The following NLGN1 variants were observed in gnomAD, a reference collection of about 807,000 sequenced individuals.
The protein encoded by NLGN1 is neuroligin-1.
In NLGN1, 12 loss-of-function variants were observed where a neutral mutation model predicts 65.5. That is an observed-to-expected ratio of 0.18 (90% CI 0.12 to 0.30). The LOEUF (loss-of-function observed/expected upper bound fraction) is 0.30. Ranked by LOEUF, NLGN1 falls within the 10% of genes least tolerant of loss-of-function variation. The pLI, the probability that NLGN1 is intolerant of heterozygous loss-of-function variation, is 1.00. For missense variants in NLGN1, 750 were observed against 1,007.1 expected (o/e 0.74, Z 3.46); for synonymous variants, 350 against 359.5 (o/e 0.97, Z 0.30).
At chr3:174,081,697 G>A (rs1454945681) in intron 4 of NLGN1, among the ~76,000 whole-genome samples, 5 of 148,736 alleles carry the variant, frequency 3.4e-5, no homozygotes, top group East Asian at 2.0e-4. Context: ...TCAGCCTCCC[G>A]AGTAGCTGGG....
chr3:173,691,417 A>G (rs1765448440), intron 3 of NLGN1, among the ~76,000 whole-genome samples: 1 of 152,062 alleles, frequency 6.6e-6, no homozygotes, highest in South Asian at 2.1e-4. Flanking sequence ...TCTTTAAAAG[A>G]TTTTCTAAAA....
At position 174,241,949 on chromosome 3, in the gene NLGN1, G is replaced by T. The variant is rs541266423; in HGVS notation, c.647-33366G>T. ...CTAGGATTACAGGCGTGAGCCACCG[G>T]GCCCGGCCCCAACGTATCTTTATCA... On this transcript the variant is annotated intron_variant, in intron 4 of 6. Coordinates refer to ENST00000457714, the Ensembl canonical transcript of NLGN1. 5.3e-5 allele frequency among the ~76,000 whole-genome samples: 8 copies of T among 152,158 alleles called. No homozygotes were observed. In the East Asian group the frequency reaches 1.6e-3, roughly 30 times the overall value.
At chr3:173,605,985 A>G (rs527720995) in intron 3 of NLGN1, among the ~76,000 whole-genome samples, 13 of 152,050 alleles carry the variant, frequency 8.5e-5, no homozygotes, top group South Asian at 2.1e-4. Flanking sequence ...TTAGAATTTG[A>G]TCACTCAATC....
chr3:174,122,896 T>C (rs962853728), intron 4 of NLGN1, among the ~76,000 whole-genome samples: 1 of 151,950 alleles, frequency 6.6e-6, no homozygotes, highest in African/African-American at 2.4e-5. Flanking sequence ...ATGCTATTTG[T>C]TAATAAAAAT....
intron 4 of NLGN1, among the ~76,000 whole-genome samples, chr3:173,944,124 G>T (rs200958043): frequency 5.7e-5 from 8 of 139,592 alleles, no homozygotes; most frequent in East Asian, 2.1e-4. Flanking sequence ...TAATATTATG[G>T]GTGTGTGTGT....
intron 3 of NLGN1, among the ~76,000 whole-genome samples, chr3:173,662,468 T>C (rs1376363968): frequency 6.6e-6 from 1 of 152,060 alleles, no homozygotes; most frequent in East Asian, 1.9e-4. Flanking sequence ...TCATGAAGTA[T>C]ATTAAAAATT....
intron 2 of NLGN1, among the ~76,000 whole-genome samples, chr3:173,468,447 A>T (rs75695521): frequency 0.018 from 2,739 of 152,170 alleles, 91 homozygotes; most frequent in African/African-American, 0.06. Context: ...AAATTCCTTT[A>T]TATCACCACT....
chr3:173,501,661 A>G (rs1356964055), intron 2 of NLGN1, among the ~76,000 whole-genome samples: 9 of 149,734 alleles, frequency 6.0e-5, no homozygotes, highest in Non-Finnish European at 1.2e-4. Context: ...AATTATATAT[A>G]TTAGAATTAT....
chr3:173,692,611 G>T (rs1765633286), intron 3 of NLGN1, among the ~76,000 whole-genome samples: 1 of 152,014 alleles, frequency 6.6e-6, no homozygotes, highest in African/African-American at 2.4e-5. Context: ...CTACTTTAGT[G>T]TTTATATTGA....
At chr3:173,411,877 G>C (rs1026979641) in intron 1 of NLGN1, among the ~76,000 whole-genome samples, 4 of 151,908 alleles carry the variant, frequency 2.6e-5, no homozygotes, top group Non-Finnish European at 5.9e-5. Context: ...ACACACTTTT[G>C]TTTCAAGCAG....
At chr3:173,677,024 C>G (rs1461944746) in intron 3 of NLGN1, among the ~76,000 whole-genome samples, 1 of 151,930 alleles carries the variant, frequency 6.6e-6, no homozygotes, top group East Asian at 1.9e-4. Flanking sequence ...GTATAAATTC[C>G]CAGAGCATAT....
intron 4 of NLGN1, among the ~76,000 whole-genome samples, chr3:174,018,156 G>A (rs973856047): frequency 6.6e-6 from 1 of 152,118 alleles, no homozygotes; most frequent in Admixed American, 6.6e-5. Context: ...AAGAAATATG[G>A]CTCTGTTCCG....
intron 3 of NLGN1, among the ~76,000 whole-genome samples, chr3:173,608,777 ATATGTCATGAGTTCTTTT>A (rs1751803977): frequency 6.6e-6 from 1 of 151,714 alleles, no homozygotes; most frequent in African/African-American, 2.4e-5. Flanking sequence ...ACACATTCAA[ATATGTCATGAGTTCTTTT>A]TATTCTATCA....
chr3:173,992,837 G>A (rs1382457428), intron 4 of NLGN1, among the ~76,000 whole-genome samples: 2 of 152,108 alleles, frequency 1.3e-5, no homozygotes, highest in Non-Finnish European at 2.9e-5. Context: ...AAATAATACA[G>A]CAATATTTGT....
At chr3:174,265,172 G>C (rs1427324244) in intron 4 of NLGN1, among the ~76,000 whole-genome samples, 1 of 151,754 alleles carries the variant, frequency 6.6e-6, no homozygotes, top group Non-Finnish European at 1.5e-5. Flanking sequence ...AGCCTACAGA[G>C]GCAGGCAGGC....
At chr3:173,925,537 C>T (rs1050636620) in intron 4 of NLGN1, among the ~76,000 whole-genome samples, 11 of 152,148 alleles carry the variant, frequency 7.2e-5, no homozygotes, top group African/African-American at 2.7e-4. Context: ...ACCTGCCTCC[C>T]TCACAGAACC....
At chr3:173,825,900 T>A (rs1721248502) in intron 4 of NLGN1, among the ~76,000 whole-genome samples, 2 of 152,036 alleles carry the variant, frequency 1.3e-5, no homozygotes, top group Non-Finnish European at 2.9e-5. Context: ...AAAGTAGAGT[T>A]CATTCTGAGT....
intron 5 of NLGN1, among the ~76,000 whole-genome samples, chr3:174,275,959 C>T (rs532972233): frequency 1.3e-5 from 2 of 151,908 alleles, no homozygotes; most frequent in Admixed American, 6.6e-5. Context: ...GCTAACGAAG[C>T]GGTCATAAGC....
chr3:173,637,326 G>C (rs1419287224), intron 3 of NLGN1, among the ~76,000 whole-genome samples: 2 of 152,042 alleles, frequency 1.3e-5, no homozygotes, highest in Non-Finnish European at 2.9e-5. Context: ...TTTTTCATCT[G>C]TCCTGCTATT....
Sources: gnomAD v4.1 joint callset for allele counts (sites outside exome capture counted in the v4.1 genomes callset) on GRCh38, gnomAD v4.1.1 for gene constraint, MANE v1.5 for transcripts, NCBI Gene and HGNC (gene_info 2026-07-23, HGNC 2026-07-21) for gene names.